Variants in STPG2 observed in about 807,000 individuals in gnomAD.
The protein encoded by STPG2 is sperm tail PG-rich repeat containing 2.
STPG2 carries 56 observed loss-of-function variants against 54.2 expected under a neutral mutation model. The observed-to-expected ratio is 1.03, with a 90% CI of 0.83 to 1.29. The LOEUF is 1.29. Among genes scored for constraint, STPG2 ranks in the 50% most tolerant of loss-of-function variants. STPG2 has a pLI of 0.00. For missense variants in STPG2, 596 were observed against 544.9 expected, an observed-to-expected ratio of 1.09 and a Z score of -0.93; for synonymous variants, 200 against 181.8, an observed-to-expected ratio of 1.10 and a Z score of -0.81.
intron 9 of STPG2, among the ~76,000 whole-genome samples, chr4:97,752,892 C>T (rs1176544943): frequency 6.6e-6 from 1 of 151,830 alleles, no homozygotes; most frequent in Non-Finnish European, 1.5e-5. Flanking sequence ...ATTCATAAAG[C>T]CTTTTCCATA....
At chr4:97,692,313 A>AC (rs1364669144) in intron 10 of STPG2, among the ~76,000 whole-genome samples, 1 of 151,772 alleles carries the variant, frequency 6.6e-6, no homozygotes, top group Non-Finnish European at 1.5e-5. Context: ...AAAAAAAAAA[A>AC]AAACCTCAAG....
At chr4:97,561,986 T>G (rs1424796095) in intron 10 of STPG2, among the ~76,000 whole-genome samples, 2 of 152,156 alleles carry the variant, frequency 1.3e-5, no homozygotes, top group Non-Finnish European at 2.9e-5. Flanking sequence ...AGAAAGTCAT[T>G]GGTAGCTTGA....
intron 10 of STPG2, among the ~76,000 whole-genome samples, chr4:97,568,988 G>T (rs139887451): frequency 6.6e-6 from 1 of 151,738 alleles, no homozygotes; most frequent in Non-Finnish European, 1.5e-5. Flanking sequence ...CTTGGGCATC[G>T]TGCAAGAAAG....
rs189951169 is a variant in STPG2, at chr4:97,737,061, G to A, written c.1205-24247C>T. On this transcript the variant is annotated intron_variant, in intron 9 of 10. Transcript: ENST00000295268. ...CAGCATTCGCGGTTCACAAAAATAC[G>A]CTGTTCTGCAGCCACCGCTGCTGGA... Among the ~76,000 whole-genome samples, 321 of 152,206 alleles carry A rather than the reference G, an allele frequency of 2.1e-3. 1 individual carries two copies. The highest frequency in any genetic ancestry group is 3.7e-3 in the Non-Finnish European group (254 of 68,022).
chr4:98,072,894 C>T (rs574474060), intron 5 of STPG2, among the ~76,000 whole-genome samples: 1 of 152,262 alleles, frequency 6.6e-6, no homozygotes, highest in Admixed American at 6.5e-5. Flanking sequence ...TAGTTCCACA[C>T]GTATTAGTCG....
At chr4:97,935,469 T>A (rs1732715948) in intron 8 of STPG2, among the ~76,000 whole-genome samples, 1 of 152,190 alleles carries the variant, frequency 6.6e-6, no homozygotes. Context: ...TTATTTGTAA[T>A]GTTAGGGTGT....
intron 9 of STPG2, among the ~76,000 whole-genome samples, chr4:97,760,294 C>T (rs879438405): frequency 2.0e-5 from 3 of 152,140 alleles, no homozygotes; most frequent in Non-Finnish European, 4.4e-5. Context: ...CTTCCATACC[C>T]TTCCCAGAAT....
intron 5 of STPG2, among the ~76,000 whole-genome samples, chr4:98,092,924 C>T (rs181525559): frequency 1.2e-4 from 19 of 152,166 alleles, no homozygotes; most frequent in Non-Finnish European, 1.8e-4. Flanking sequence ...CTCAAATGAA[C>T]TTCAAGGCAA....
chr4:97,700,677 G>T (rs186889914), intron 10 of STPG2, among the ~76,000 whole-genome samples: 3 of 152,170 alleles, frequency 2.0e-5, no homozygotes, highest in African/African-American at 4.8e-5. Flanking sequence ...GATATCTTGC[G>T]GAAGTGGAAA....
intron 9 of STPG2, among the ~76,000 whole-genome samples, chr4:97,749,546 T>C (rs1725518735): frequency 6.6e-6 from 1 of 151,738 alleles, no homozygotes; most frequent in Non-Finnish European, 1.5e-5. Context: ...TATTATTTTA[T>C]CAATGTAAAA....
chr4:97,710,797 G>A (rs1724089518), intron 10 of STPG2, among the ~76,000 whole-genome samples: 1 of 151,880 alleles, frequency 6.6e-6, no homozygotes, highest in Admixed American at 6.6e-5. Flanking sequence ...ATTGAAAAAG[G>A]TTTTTAATTA....
intron 4 of STPG2, among the ~76,000 whole-genome samples, chr4:97,484,589 A>C (rs1366426841): frequency 6.6e-6 from 1 of 151,830 alleles, no homozygotes; most frequent in Non-Finnish European, 1.5e-5. Context: ...CAACAAAAAA[A>C]GTCCAGGACC....
chr4:97,808,394 CTAA>C (rs1727635725), intron 9 of STPG2, among the ~76,000 whole-genome samples: 1 of 151,954 alleles, frequency 6.6e-6, no homozygotes. Context: ...AAGTCATCAA[CTAA>C]TACCTGACTT....
chr4:98,105,072 T>C (rs538625501), intron 5 of STPG2, among the ~76,000 whole-genome samples: 2 of 152,350 alleles, frequency 1.3e-5, no homozygotes, highest in South Asian at 4.1e-4. Flanking sequence ...TGTGTTCAAA[T>C]AAGGCAAATG....
intron 8 of STPG2, 78 bp from the exon 9 acceptor site, chr4:97,841,010 C>T (rs1216767685): frequency 2.9e-6 from 4 of 1,398,872 alleles, no homozygotes; most frequent in Admixed American, 2.4e-5. Context: ...TGGATGGTTA[C>T]AGTAAGCAAT....
chr4:97,563,030 C>T (rs990546567), intron 10 of STPG2, among the ~76,000 whole-genome samples: 3 of 152,056 alleles, frequency 2.0e-5, no homozygotes, highest in African/African-American at 7.2e-5. Flanking sequence ...CCAGTTCCTC[C>T]TTGTACCTCT....
intron 5 of STPG2, among the ~76,000 whole-genome samples, chr4:98,099,916 A>G (rs1286873320): frequency 6.6e-6 from 1 of 152,178 alleles, no homozygotes; most frequent in Non-Finnish European, 1.5e-5. Context: ...TGTTTATAAC[A>G]CAAAGGATAA....
intron 4 of STPG2, among the ~76,000 whole-genome samples, chr4:98,107,887 G>C (rs1005143230): frequency 2.0e-5 from 3 of 152,072 alleles, no homozygotes; most frequent in Non-Finnish European, 4.4e-5. Context: ...ATATGTGTTA[G>C]AGTATTCTAC....
chr4:97,749,707 G>C (rs1270166002), intron 9 of STPG2, among the ~76,000 whole-genome samples: 2 of 151,750 alleles, frequency 1.3e-5, no homozygotes, highest in African/African-American at 4.8e-5. Flanking sequence ...TGCACATGGA[G>C]AACAAACTGT....
Sources: allele counts gnomAD v4.1 joint callset (sites outside exome capture counted in the v4.1 genomes callset), GRCh38; gene constraint gnomAD v4.1.1; transcripts MANE v1.5; gene names NCBI Gene and HGNC (gene_info 2026-07-23, HGNC 2026-07-21).